The following EIF4G3 variants were observed in gnomAD, a reference collection of about 807,000 sequenced individuals.
The protein encoded by EIF4G3 is eukaryotic translation initiation factor 4 gamma 3, also known as eIF-4-gamma 3.
A neutral mutation model predicts 186.4 loss-of-function variants in EIF4G3; 34 were observed. That is an observed-to-expected ratio of 0.18 (90% CI 0.14 to 0.24). The LOEUF is 0.24. EIF4G3 is among the 10% of genes least tolerant of loss of function. The pLI is 1.00. For synonymous variants in EIF4G3, 673 were observed against 679.5 expected (o/e 0.99, Z 0.15); for missense variants, 1,536 against 1,948.5 (o/e 0.79, Z 3.99).
intron 19 of EIF4G3, among the ~76,000 whole-genome samples, chr1:20,884,419 C>G (rs2083434197): frequency 6.6e-6 from 1 of 152,028 alleles, no homozygotes; most frequent in South Asian, 2.1e-4. Flanking sequence ...ATTATAGGTA[C>G]AGTAAGAATT....
chr1:20,895,708 T>C (rs185497343), intron 16 of EIF4G3, among the ~76,000 whole-genome samples: 22 of 152,228 alleles, frequency 1.4e-4, no homozygotes, highest in Non-Finnish European at 3.2e-4. Flanking sequence ...ATTATTCACA[T>C]GTATGTGTTA....
In EIF4G3 at chr1:20,807,359, G is replaced by A. The variant is rs749034314; in HGVS notation, c.4886C>T (p.Thr1629Met). 13 of 1,607,082 alleles carry A rather than the reference G, an allele frequency of 8.1e-6. No homozygotes were observed. The highest frequency in any genetic ancestry group is 1.7e-4 in the Middle Eastern group (1 of 6,036). ...CTCCTCTTCTGCTTCCCGCAGCCAC[G>A]TGAAGAATGCCGTGACAGATTTCAG... ...VALKSVTAFF[T>M]WLREAEEESE... is the part of the protein sequence containing the mutation. The change falls in exon 37 of 37, where the codon ACG becomes ATG. Residue 1629 changes from threonine (T) to methionine (M), a missense_variant. Around this residue, in one of 11 missense-constraint regions of EIF4G3, gnomAD observed 45 missense variants for 99.1 expected, o/e 0.45. Coordinates refer to ENST00000602326, the MANE Select transcript of EIF4G3 (RefSeq NM_001391906.1).
intron 2 of EIF4G3, among the ~76,000 whole-genome samples, chr1:21,103,655 C>T (rs1398576218): frequency 6.6e-6 from 1 of 152,116 alleles, no homozygotes; most frequent in Non-Finnish European, 1.5e-5. Flanking sequence ...ACCAGTCTGG[C>T]TAACATGGTG....
In EIF4G3 at chr1:20,980,995, C is replaced by T. The variant is rs945733222; in HGVS notation, c.378+53G>A. 4.2e-5 allele frequency: 58 copies of T among 1,370,362 alleles called. No homozygotes were observed. The Admixed American group carries it at 5.3e-4, about 13-fold the overall frequency. The allele number at this position is 1,370,362 out of a possible 1,614,324, so 84.9% of individuals were successfully genotyped here. Reference sequence around the variant, plus strand: ...CACCCAGCTCCCTCTGATGTGAATCCGGGTTAATTTCCACTCTATTGCTGG... The same window carrying T: ...CACCCAGCTCCCTCTGATGTGAATCTGGGTTAATTTCCACTCTATTGCTGG... On this transcript the variant is annotated intron_variant, in intron 9 of 36. Coordinates refer to ENST00000602326, the MANE Select transcript of EIF4G3 (RefSeq NM_001391906.1).
intron 16 of EIF4G3, among the ~76,000 whole-genome samples, chr1:20,898,168 A>C (rs1218539788): frequency 1.3e-5 from 2 of 152,096 alleles, no homozygotes; most frequent in African/African-American, 2.4e-5. Flanking sequence ...TTACAATTTC[A>C]TAAAGCCCAT....
Position 21,165,755 on chromosome 1 carries a change from G to T in EIF4G3, c.-272+10420C>A, listed in dbSNP as rs889986194. ...AAAATATTCTAAAATTATGGTAGTA[G>T]TTGTACAATTCTCAACTGGTTTTGA... On this transcript the variant is annotated intron_variant, in intron 2 of 36. Transcript: ENST00000602326. 2.0e-5 allele frequency among the ~76,000 whole-genome samples: 3 copies of T among 152,056 alleles called. No homozygotes were observed. The East Asian group carries it at 5.8e-4, about 29-fold the overall frequency.
At chr1:20,950,544 A>G (rs746243350) in intron 12 of EIF4G3, among the ~76,000 whole-genome samples, 5 of 152,312 alleles carry the variant, frequency 3.3e-5, no homozygotes, top group Middle Eastern at 3.4e-3. Flanking sequence ...CAGAAAATGT[A>G]ATGAGGCTGA....
At chr1:21,127,339 C>T (rs2097065093) in intron 2 of EIF4G3, among the ~76,000 whole-genome samples, 1 of 152,166 alleles carries the variant, frequency 6.6e-6, no homozygotes, top group Admixed American at 6.5e-5. Context: ...CCTGCCTCAG[C>T]CTCCCAAAGT....
chr1:20,970,157 C>A (rs937890611), intron 11 of EIF4G3, among the ~76,000 whole-genome samples: 1 of 152,044 alleles, frequency 6.6e-6, no homozygotes, highest in Non-Finnish European at 1.5e-5. Context: ...GTAAATAATT[C>A]TCTGAAGTTC....
intron 4 of EIF4G3, among the ~76,000 whole-genome samples, chr1:21,010,781 A>C (rs1016997185): frequency 5.9e-5 from 9 of 152,242 alleles, no homozygotes; most frequent in African/African-American, 2.2e-4. Flanking sequence ...ATAGAAGTAC[A>C]ATAATATCCA....
At chr1:20,928,214 T>C (rs930747669) in intron 14 of EIF4G3, among the ~76,000 whole-genome samples, 3 of 152,170 alleles carry the variant, frequency 2.0e-5, no homozygotes, top group African/African-American at 4.8e-5. Context: ...TAAGTAATTG[T>C]TGTATAAATT....
chr1:20,959,879 CAAT>C (rs1370059310), intron 12 of EIF4G3, among the ~76,000 whole-genome samples: 2 of 151,944 alleles, frequency 1.3e-5, no homozygotes, highest in Non-Finnish European at 2.9e-5. Flanking sequence ...AGTCAAAAAA[CAAT>C]AGATGCTGGC....
At chr1:20,918,103 T>C (rs918371122) in intron 14 of EIF4G3, among the ~76,000 whole-genome samples, 3 of 152,200 alleles carry the variant, frequency 2.0e-5, no homozygotes, top group Non-Finnish European at 4.4e-5. Context: ...CTCTCCCAAC[T>C]AGCCATTTCT....
chr1:21,053,801 G>A (rs1410910540), intron 3 of EIF4G3, among the ~76,000 whole-genome samples: 3 of 148,846 alleles, frequency 2.0e-5, no homozygotes, highest in Admixed American at 6.6e-5. Flanking sequence ...ACTGGGAAGA[G>A]AGGAGCCCCT....
At chr1:20,890,024 G>A (rs2085495975) in intron 18 of EIF4G3, among the ~76,000 whole-genome samples, 1 of 151,838 alleles carries the variant, frequency 6.6e-6, no homozygotes, top group African/African-American at 2.4e-5. Flanking sequence ...CCAGGCTGGA[G>A]TGCAGTGGCG....
chr1:21,067,870 C>G (rs962126865), intron 3 of EIF4G3, among the ~76,000 whole-genome samples: 27 of 152,098 alleles, frequency 1.8e-4, no homozygotes, highest in African/African-American at 6.5e-4. Context: ...CACAGTGGCT[C>G]ACGCCACTGC....
At chr1:20,891,471 G>GA (rs34367224) in intron 18 of EIF4G3, among the ~76,000 whole-genome samples, 4,994 of 151,440 alleles carry the variant, frequency 0.033, 274 homozygotes, top group African/African-American at 0.11. Flanking sequence ...AAATAATACT[G>GA]AAAAAAAAGG....
intron 18 of EIF4G3, among the ~76,000 whole-genome samples, chr1:20,889,140 A>T (rs779134282): frequency 1.3e-5 from 2 of 152,174 alleles, no homozygotes; most frequent in Non-Finnish European, 2.9e-5. Flanking sequence ...TGTATTATGA[A>T]ATTATACCCA....
At chr1:21,068,302 G>C (rs1366159283) in intron 3 of EIF4G3, among the ~76,000 whole-genome samples, 1 of 147,546 alleles carries the variant, frequency 6.8e-6, no homozygotes, top group Non-Finnish European at 1.5e-5. Flanking sequence ...CTAGGAGGTG[G>C]AGGTTGCAGT....
Sources: gnomAD v4.1 joint callset for allele counts (sites outside exome capture counted in the v4.1 genomes callset) on GRCh38, gnomAD v4.1.1 for gene constraint, gnomAD v4.1.1 regional missense constraint, MANE v1.5 for transcripts, NCBI Gene and HGNC (gene_info 2026-07-23, HGNC 2026-07-21) for gene names.